SUMF1: variants seen among roughly 807,000 people sequenced by gnomAD.
The protein encoded by SUMF1 is formylglycine-generating enzyme.
SUMF1 carries 48 observed loss-of-function variants against 47.6 expected under a neutral mutation model. The ratio of observed to expected loss-of-function variants is 1.01; its 90% CI spans 0.80 to 1.28. The LOEUF is 1.28. SUMF1 is among the 50% of genes most tolerant of loss of function. SUMF1 has a pLI of 0.00. For synonymous variants in SUMF1, 230 were observed against 192.1 expected (o/e 1.20, Z -1.63); for missense variants, 571 against 485.4 (o/e 1.18, Z -1.66).
chr3:4,068,958 C>T (rs1418847709), intron 8 of SUMF1, among the ~76,000 whole-genome samples: 2 of 152,124 alleles, frequency 1.3e-5, no homozygotes, highest in African/African-American at 4.8e-5. Context: ...GACAATCTGA[C>T]TACAGGGCCT....
chr3:4,330,277 C>T (rs1469626059), intron 8 of SUMF1, among the ~76,000 whole-genome samples: 1 of 152,190 alleles, frequency 6.6e-6, no homozygotes, highest in African/African-American at 2.4e-5. Flanking sequence ...TACAGCAGCA[C>T]CCCACTCTAC....
chr3:4,088,340 G>T (rs1240761293), intron 8 of SUMF1, among the ~76,000 whole-genome samples: 4 of 151,974 alleles, frequency 2.6e-5, no homozygotes, highest in African/African-American at 9.7e-5. Flanking sequence ...TTCACTGCTT[G>T]GTCCACCAGG....
intron 9 of SUMF1, among the ~76,000 whole-genome samples, chr3:4,062,007 G>T (rs1420694945): frequency 2.6e-5 from 4 of 152,048 alleles, no homozygotes; most frequent in Admixed American, 1.3e-4. Flanking sequence ...ACTCGTTTCT[G>T]TATTTACCTC....
intron 8 of SUMF1, among the ~76,000 whole-genome samples, chr3:4,253,710 T>A (rs1435788393): frequency 6.7e-6 from 1 of 148,626 alleles, no homozygotes; most frequent in South Asian, 2.2e-4. Flanking sequence ...TGGCCAGGCT[T>A]GATTAGGTAA....
intron 8 of SUMF1, among the ~76,000 whole-genome samples, chr3:4,302,369 T>C (rs1323519830): frequency 1.3e-5 from 2 of 152,164 alleles, no homozygotes; most frequent in Non-Finnish European, 2.9e-5. Context: ...GATTGGCAAC[T>C]GGTTATTATC....
At chr3:4,153,539 T>C (rs916793275) in intron 8 of SUMF1, among the ~76,000 whole-genome samples, 2 of 146,746 alleles carry the variant, frequency 1.4e-5, no homozygotes, top group East Asian at 2.0e-4. Flanking sequence ...TTTTTTTTAC[T>C]GTATTTCCAG....
At chr3:4,255,083 C>T in intron 8 of SUMF1, among the ~76,000 whole-genome samples, 1 of 150,546 alleles carries the variant, frequency 6.6e-6, no homozygotes, top group Admixed American at 6.6e-5. Context: ...TTGTCACCAC[C>T]AGGCCTGCCC....
At chr3:4,383,523 G>A (rs535311640) in intron 7 of SUMF1, among the ~76,000 whole-genome samples, 2 of 152,338 alleles carry the variant, frequency 1.3e-5, no homozygotes, top group Non-Finnish European at 2.9e-5. Flanking sequence ...AATTCTATAT[G>A]CCTTGTGGCA....
At chr3:4,277,827 G>C (rs1020494069) in intron 8 of SUMF1, among the ~76,000 whole-genome samples, 8 of 152,016 alleles carry the variant, frequency 5.3e-5, no homozygotes, top group Non-Finnish European at 1.0e-4. Context: ...AGCTTCCTCT[G>C]GGGTCTCCCA....
chr3:4,148,711 A>G (rs2125103207), intron 8 of SUMF1, among the ~76,000 whole-genome samples: 1 of 152,240 alleles, frequency 6.6e-6, no homozygotes, highest in East Asian at 1.9e-4. Flanking sequence ...TTCTTTACAA[A>G]AACAGTCAAT....
At chr3:4,379,570 A>T (rs1452971734) in intron 7 of SUMF1, among the ~76,000 whole-genome samples, 1 of 152,212 alleles carries the variant, frequency 6.6e-6, no homozygotes, top group Non-Finnish European at 1.5e-5. Context: ...GTTTCAAGAC[A>T]CTAAGAGTGG....
chr3:4,210,609 CA>C (rs1301591209), intron 8 of SUMF1, among the ~76,000 whole-genome samples: 1 of 152,026 alleles, frequency 6.6e-6, no homozygotes, highest in African/African-American at 2.4e-5. Context: ...CCACAATGCA[CA>C]AAAATTTTTT....
At chr3:4,302,925 G>A (rs1698008138) in intron 8 of SUMF1, among the ~76,000 whole-genome samples, 1 of 152,166 alleles carries the variant, frequency 6.6e-6, no homozygotes, top group South Asian at 2.1e-4. Flanking sequence ...ACCCTGTGAG[G>A]CTATCGCCTT....
intron 9 of SUMF1, among the ~76,000 whole-genome samples, chr3:4,055,531 G>A (rs1000486209): frequency 5.3e-5 from 8 of 151,808 alleles, no homozygotes; most frequent in Admixed American, 5.3e-4. Context: ...CACTCCAGTT[G>A]GAGTACAATA....
intron 8 of SUMF1, among the ~76,000 whole-genome samples, chr3:4,297,357 G>T (rs1046970305): frequency 6.6e-6 from 1 of 152,142 alleles, no homozygotes; most frequent in South Asian, 2.1e-4. Flanking sequence ...TTCATGAGAG[G>T]ATCCAGTGCC....
At chr3:4,112,464 A>G (rs1371752560) in intron 8 of SUMF1, among the ~76,000 whole-genome samples, 1 of 152,188 alleles carries the variant, frequency 6.6e-6, no homozygotes, top group Non-Finnish European at 1.5e-5. Flanking sequence ...AAAAAGAGGC[A>G]ATAGAAGATG....
intron 8 of SUMF1, among the ~76,000 whole-genome samples, chr3:4,090,964 C>T (rs556725253): frequency 6.6e-6 from 1 of 151,888 alleles, no homozygotes; most frequent in Admixed American, 6.6e-5. Context: ...ACCCATAATC[C>T]CAGCTACTTG....
At chr3:4,172,121 G>C (rs966424129) in intron 8 of SUMF1, among the ~76,000 whole-genome samples, 2 of 152,106 alleles carry the variant, frequency 1.3e-5, no homozygotes, top group African/African-American at 4.8e-5. Context: ...TAGGGGGATG[G>C]AACGAAAAAT....
chr3:4,144,760 A>G (rs998429207), intron 8 of SUMF1, among the ~76,000 whole-genome samples: 2 of 152,156 alleles, frequency 1.3e-5, no homozygotes, highest in Non-Finnish European at 2.9e-5. Context: ...GGTTTCACGT[A>G]ATTTCAGTTA....
Sources: gnomAD v4.1 joint callset for allele counts (sites outside exome capture counted in the v4.1 genomes callset) on GRCh38, gnomAD v4.1.1 for gene constraint, MANE v1.5 for transcripts, NCBI Gene and HGNC (gene_info 2026-07-23, HGNC 2026-07-21) for gene names.